PDE1B: variants seen among roughly 807,000 people sequenced by gnomAD.
PDE1B encodes phosphodiesterase 1B, also known as dual specificity calcium/calmodulin-dependent 3',5'-cyclic nucleotide phosphodiesterase 1B.
Under a neutral mutation model 66.7 loss-of-function variants are expected in PDE1B, and 13 were observed. The observed-to-expected ratio is 0.19, with a 90% CI of 0.13 to 0.31. The LOEUF is 0.31. PDE1B is among the 10% of genes least tolerant of loss of function. The pLI is 1.00. For missense variants in PDE1B, 485 were observed against 682.3 expected, an observed-to-expected ratio of 0.71 and a Z score of 3.22; for synonymous variants, 230 against 253.9, an observed-to-expected ratio of 0.91 and a Z score of 0.90.
At chr12:54,567,424 G>A (rs1215496283) in intron 3 of PDE1B, among the ~76,000 whole-genome samples, 1 of 151,914 alleles carries the variant, frequency 6.6e-6, no homozygotes, top group African/African-American at 2.4e-5. Context: ...GATGGCTTGA[G>A]CCCAGGAGGC....
chr12:54,561,431 G>T, intron 2 of PDE1B: 1 of 1,263,176 alleles, frequency 7.9e-7, no homozygotes, highest in Non-Finnish European at 1.0e-6. Context: ...CTGCAGCCAG[G>T]CCCCTCCCCA....
chr12:54,575,120 T>C lies in PDE1B; in HGVS notation c.1087T>C (p.Ser363Pro). 1 of 1,613,964 alleles carries C rather than the reference T, an allele frequency of 6.2e-7. No homozygotes were observed. The highest frequency in any genetic ancestry group is 8.5e-7 in the Non-Finnish European group (1 of 1,179,874). The stretch of plus-strand genomic sequence containing the variant: ...CAGGATTGACAAGCCCAAGGCCCTG[T>C]CTCTACTGCTCCATGCTGCTGACAT... ...LERIDKPKAL[S>P]LLLHAADISH... The change falls in exon 11 of 16, where the codon TCT (serine) becomes CCT (proline). Residue 363 changes from serine to proline, a missense_variant. Coordinates refer to ENST00000243052, the MANE Select transcript of PDE1B (RefSeq NM_000924.4). The surrounding 1 kb of genome is among the most constrained non-coding windows in gnomAD (Gnocchi z 4.0).
At chr12:54,576,768 C>T (rs1174449363) in intron 14 of PDE1B, 67 bp downstream of exon 14, 10 of 1,512,762 alleles carry the variant, frequency 6.6e-6, no homozygotes, top group Non-Finnish European at 9.0e-6. Context: ...CTAGGAGGTC[C>T]ATTTTTCTTA....
At chr12:54,568,842 C>T (rs1295624862) in intron 3 of PDE1B, among the ~76,000 whole-genome samples, 69 of 152,230 alleles carry the variant, frequency 4.5e-4, no homozygotes, top group Middle Eastern at 3.4e-3. Context: ...TTCTCTTTTC[C>T]TTTTTAACGT....
chr12:54,569,093 T>C lies in PDE1B; in HGVS notation c.228-91T>C. On this transcript the variant is annotated intron_variant, in intron 3 of 15. Coordinates refer to ENST00000243052, the MANE Select transcript of PDE1B (RefSeq NM_000924.4). This position sits in a 1 kb window ranked among gnomAD's most constrained non-coding sequence, Gnocchi z 4.4. ...GAAGACAGAGAGCTGGCATGAGAGT[T>C]ACTAAATGTGGGGTATGGCTGGGTA... 1 of 1,486,702 alleles carries C rather than the reference T, an allele frequency of 6.7e-7. No homozygotes were observed. Among genetic ancestry groups the C allele is most frequent in the Non-Finnish European group, 8.9e-7 (1 of 1,117,866 alleles). The allele number at this position is 1,486,702 out of a possible 1,614,324, so 92.1% of individuals were successfully genotyped here. A position where few individuals can be genotyped will look rare whatever the true frequency, so the allele number is the denominator to read the frequency against.
intron 15 of PDE1B, 170 bp from the exon 16 acceptor site, chr12:54,577,690 G>A (rs987143116): frequency 2.3e-5 from 19 of 817,852 alleles, no homozygotes; most frequent in Admixed American, 6.7e-5. Flanking sequence ...GCAGCTGAAC[G>A]TGACTTCGAC....
Position 54,569,126 on chromosome 12 carries a change from T to A in PDE1B, c.228-58T>A, listed in dbSNP as rs1957571814. 1 of 1,550,300 alleles carries A rather than the reference T, an allele frequency of 6.5e-7. No homozygotes were observed. The highest frequency in any genetic ancestry group is 1.4e-5 in the African/African-American group (1 of 73,588). ...GTGGGGTATGGCTGGGTACAGGGTC[T>A]CTAGGCTGTGGAAGCACCTGCTGTC... On this transcript the variant is annotated intron_variant, in intron 3 of 15. Coordinates refer to ENST00000243052, the MANE Select transcript of PDE1B (RefSeq NM_000924.4). This position sits in a 1 kb window ranked among gnomAD's most constrained non-coding sequence, Gnocchi z 4.4.
intron 2 of PDE1B, among the ~76,000 whole-genome samples, chr12:54,560,171 T>C (rs567588864): frequency 6.6e-6 from 1 of 152,300 alleles, no homozygotes; most frequent in Admixed American, 6.5e-5. Flanking sequence ...CTTGTTGAGA[T>C]CGAAGCCCAC....
At chr12:54,568,442 G>A (rs577289889) in intron 3 of PDE1B, among the ~76,000 whole-genome samples, 35 of 150,158 alleles carry the variant, frequency 2.3e-4, no homozygotes, top group South Asian at 1.7e-3. Flanking sequence ...CAGTCTGGGC[G>A]ATAAAGTGAG....
At chr12:54,551,706 G>A (rs1459117977) in intron 2 of PDE1B, among the ~76,000 whole-genome samples, 3 of 152,146 alleles carry the variant, frequency 2.0e-5, no homozygotes, top group Admixed American at 6.5e-5. Context: ...CTAACCAAAA[G>A]CCTTTCCTGA....
rs959702652 is a variant in PDE1B, at chr12:54,573,732, T to G, written c.1064+23T>G. On this transcript the variant is annotated intron_variant, in intron 10 of 15. Transcript: ENST00000243052. This position sits in a 1 kb window ranked among gnomAD's most constrained non-coding sequence, Gnocchi z 5.2. ...GAGGTGGCATCTGGTGGGGTGTGGC[T>G]GGGGCCAGGCCAGAGGGAGGGGTGT... The G allele has an allele frequency of 5.7e-6, 9 of 1,577,790 alleles. No homozygotes were observed. Among genetic ancestry groups the G allele is most frequent in the Non-Finnish European group, 7.8e-6 (9 of 1,147,682 alleles).
chr12:54,571,723 A>G (rs1254698566), intron 6 of PDE1B: 1 of 152,118 alleles, frequency 6.6e-6, no homozygotes, highest in African/African-American at 2.4e-5. Flanking sequence ...CAGGGACGCC[A>G]TGGCAACGCA....
In PDE1B at chr12:54,569,796, T is replaced by G. The variant is rs1445279808; in HGVS notation, c.477+184T>G. On this transcript the variant is annotated intron_variant, in intron 5 of 15. Coordinates refer to ENST00000243052, the MANE Select transcript of PDE1B (RefSeq NM_000924.4). This position sits in a 1 kb window ranked among gnomAD's most constrained non-coding sequence, Gnocchi z 4.4. ...CGTCTCACTGCAACCTCTGCCTCCCTGCAAGCGATTCTCCTGCCTCAGCCT... is the reference window on the plus strand; with the variant it reads ...CGTCTCACTGCAACCTCTGCCTCCCGGCAAGCGATTCTCCTGCCTCAGCCT... Among the ~76,000 whole-genome samples, 1 of 151,782 alleles carries G rather than the reference T, an allele frequency of 6.6e-6. No homozygotes were observed. Among genetic ancestry groups the G allele is most frequent in the Non-Finnish European group, 1.5e-5 (1 of 67,946 alleles).
At chr12:54,561,756 TTGTGCGTG>T in intron 2 of PDE1B, 1 of 629,714 alleles carries the variant, frequency 1.6e-6, no homozygotes, top group Non-Finnish European at 2.7e-6. Context: ...CCCATATGTT[TTGTGCGTG>T]TGTGTGTGTG....
chr12:54,575,371 A>T lies in PDE1B; in HGVS notation c.1185+153A>T, dbSNP rs1185117589. The T allele has an allele frequency of 6.4e-6, 5 of 785,554 alleles. No individual in the cohort carries two copies. The Admixed American group carries it at 7.9e-5, about 12-fold the overall frequency. 48.7% of individuals were successfully genotyped at this position (785,554 alleles called of 1,614,324 possible). On this transcript the variant is annotated intron_variant, in intron 11 of 15. Coordinates refer to ENST00000243052, the MANE Select transcript of PDE1B (RefSeq NM_000924.4). The surrounding 1 kb of genome is among the most constrained non-coding windows in gnomAD (Gnocchi z 4.0). ...TTGGGGTAAAACCCCATTATCCTAA[A>T]AGCCTAACAATAGTTGCATTTCATT...
intron 10 of PDE1B, chr12:54,574,361 A>G (rs1957688945): frequency 6.5e-6 from 1 of 153,366 alleles, no homozygotes; most frequent in Admixed American, 6.5e-5. Flanking sequence ...TATTCTAGAT[A>G]ATATCTACTG....
chr12:54,561,607 A>G, intron 2 of PDE1B: 1 of 1,533,774 alleles, frequency 6.5e-7, no homozygotes, highest in South Asian at 1.2e-5. Context: ...GTTCCTGTTC[A>G]GAGGAGCCAC....
chr12:54,561,677 A>G (rs9668037), intron 2 of PDE1B: 1,054,395 of 1,457,976 alleles, frequency 0.72, 382,315 homozygotes, highest in Non-Finnish European at 0.74. Context: ...GGAGGAGGGA[A>G]AGGACAGGTT....
chr12:54,577,654 C>T lies in PDE1B; in HGVS notation c.*18-206C>T, dbSNP rs192958308. On this transcript the variant is annotated intron_variant, in intron 15 of 15. Transcript: ENST00000243052. ...TAGGGAGGGTTAGGGAAAAGGAGCC[C>T]AGCCAGGGCACACAGCTCAGTGAGG... The T allele has an allele frequency of 1.7e-3, 1,903 of 1,150,070 alleles. 1 individual carries two copies. The highest frequency in any genetic ancestry group is 2.1e-3 in the Non-Finnish European group (1,813 of 845,318). The allele number at this position is 1,150,070 out of a possible 1,614,324, so 71.2% of individuals were successfully genotyped here. A position where few individuals can be genotyped will look rare whatever the true frequency, so the allele number is the denominator to read the frequency against.
Sources: gnomAD v4.1 joint callset for allele counts (sites outside exome capture counted in the v4.1 genomes callset) on GRCh38, gnomAD v4.1.1 for gene constraint, Gnocchi (gnomAD v3.1) non-coding constraint, MANE v1.5 for transcripts, NCBI Gene and HGNC (gene_info 2026-07-23, HGNC 2026-07-21) for gene names.